DPP10: variants seen among roughly 807,000 people sequenced by gnomAD.
DPP10 encodes dipeptidyl peptidase like 10.
In DPP10, 33 loss-of-function variants were observed where a neutral mutation model predicts 120.9. The ratio of observed to expected loss-of-function variants is 0.27; its 90% CI spans 0.21 to 0.37. DPP10 has a LOEUF of 0.37. Ranked by LOEUF, DPP10 falls within the 10% of genes least tolerant of loss-of-function variation. The pLI is 1.00. For missense variants in DPP10, 816 were observed against 942.8 expected (o/e 0.87, Z 1.76); for synonymous variants, 337 against 326.1 (o/e 1.03, Z -0.36).
intron 3 of DPP10, among the ~76,000 whole-genome samples, chr2:115,453,784 G>A (rs966250284): frequency 2.0e-5 from 3 of 151,212 alleles, no homozygotes; most frequent in South Asian, 2.1e-4. Flanking sequence ...AAATAATAAA[G>A]ATTAAGATGG....
intron 1 of DPP10, among the ~76,000 whole-genome samples, chr2:114,639,073 A>G (rs1407954734): frequency 6.6e-6 from 1 of 151,912 alleles, no homozygotes; most frequent in East Asian, 1.9e-4. Flanking sequence ...TATAGTGTAT[A>G]TTAGTCTGTT....
At chr2:115,046,010 CTGTGTGTGTGTGTGTG>C (rs10538369) in intron 1 of DPP10, among the ~76,000 whole-genome samples, 2 of 151,540 alleles carry the variant, frequency 1.3e-5, no homozygotes, top group Non-Finnish European at 3.0e-5. Flanking sequence ...GTGTGTGTGT[CTGTGTGTGTGTGTGTG>C]TGTGTGTGTG....
At chr2:115,192,158 G>A (rs2054928365) in intron 1 of DPP10, among the ~76,000 whole-genome samples, 1 of 152,112 alleles carries the variant, frequency 6.6e-6, no homozygotes, top group African/African-American at 2.4e-5. Context: ...CTGAAGCAAT[G>A]TTTTCTATTA....
chr2:115,503,517 C>T (rs993124982), intron 4 of DPP10, among the ~76,000 whole-genome samples: 1 of 152,086 alleles, frequency 6.6e-6, no homozygotes, highest in African/African-American at 2.4e-5. Context: ...GACAATTGTA[C>T]CTCATAAAAT....
intron 5 of DPP10, among the ~76,000 whole-genome samples, chr2:115,554,192 T>C (rs1485645717): frequency 6.6e-6 from 1 of 151,896 alleles, no homozygotes; most frequent in Non-Finnish European, 1.5e-5. Context: ...GCAGTTAAAA[T>C]TGGTCATAAT....
chr2:115,347,452 T>C (rs2063765350), intron 3 of DPP10, among the ~76,000 whole-genome samples: 1 of 152,136 alleles, frequency 6.6e-6, no homozygotes, highest in African/African-American at 2.4e-5. Flanking sequence ...TTAAATCTTA[T>C]GGTTTGCTTG....
At chr2:115,022,125 A>T (rs1703120509) in intron 1 of DPP10, among the ~76,000 whole-genome samples, 1 of 152,132 alleles carries the variant, frequency 6.6e-6, no homozygotes, top group Non-Finnish European at 1.5e-5. Context: ...GCCCATTTTA[A>T]CCACTTCTAT....
At chr2:114,766,534 C>T (rs1680717822) in intron 1 of DPP10, among the ~76,000 whole-genome samples, 1 of 152,056 alleles carries the variant, frequency 6.6e-6, no homozygotes, top group Non-Finnish European at 1.5e-5. Context: ...CCCAAATATC[C>T]TCCAGTGGGT....
chr2:115,287,984 G>A (rs112917423), intron 1 of DPP10, among the ~76,000 whole-genome samples: 3 of 152,020 alleles, frequency 2.0e-5, no homozygotes, highest in African/African-American at 7.2e-5. Flanking sequence ...AAAAATACAC[G>A]TGCAAGTGTC....
intron 3 of DPP10, among the ~76,000 whole-genome samples, chr2:115,462,439 T>G (rs2074043991): frequency 6.6e-6 from 1 of 152,136 alleles, no homozygotes; most frequent in African/African-American, 2.4e-5. Flanking sequence ...GTTTAATCTT[T>G]TACTAATTTC....
rs10549769 is a variant in DPP10 at position 115,836,099 on chromosome 2, A to ATGTG, written c.1951-43_1951-40dup. ...GTTATATATAAATTTGTGTGTGTGT[A>ATGTG]TGTGTGTGTGTGTGTGTGAGATATA... On this transcript the variant is annotated intron_variant, in intron 21 of 25. Coordinates refer to ENST00000410059, the MANE Select transcript of DPP10 (RefSeq NM_020868.6). The ATGTG allele has an allele frequency of 5.3e-3, 3,231 of 608,224 alleles. 90 individuals carry two copies. In the African/African-American group the frequency reaches 0.057, roughly 11 times the overall value. The allele number at this position is 608,224 out of a possible 1,614,324, so 37.7% of individuals were successfully genotyped here.
intron 1 of DPP10, among the ~76,000 whole-genome samples, chr2:114,680,889 G>A (rs1390843151): frequency 1.3e-5 from 2 of 151,952 alleles, no homozygotes; most frequent in African/African-American, 4.8e-5. Flanking sequence ...ATTTAGAAAA[G>A]AGATGATTTT....
intron 1 of DPP10, among the ~76,000 whole-genome samples, chr2:114,506,304 A>G (rs1452252543): frequency 6.6e-6 from 1 of 152,192 alleles, no homozygotes; most frequent in African/African-American, 2.4e-5. Flanking sequence ...GCTTGATGGC[A>G]TAGCTTTGGA....
chr2:115,672,346 A>G (rs2014059448), intron 5 of DPP10, among the ~76,000 whole-genome samples: 1 of 152,006 alleles, frequency 6.6e-6, no homozygotes, highest in Admixed American at 6.6e-5. Context: ...CTATGACCTA[A>G]TCAGGTCATT....
chr2:114,587,149 A>T (rs1245802476), intron 1 of DPP10, among the ~76,000 whole-genome samples: 1 of 151,938 alleles, frequency 6.6e-6, no homozygotes, highest in African/African-American at 2.4e-5. Context: ...TACAAAAAAA[A>T]AATTAGCCGG....
chr2:114,618,918 A>G (rs1693875098), intron 1 of DPP10, among the ~76,000 whole-genome samples: 1 of 152,042 alleles, frequency 6.6e-6, no homozygotes, highest in South Asian at 2.1e-4. Context: ...TGAAAGTCGT[A>G]ATTTCTACAT....
intron 1 of DPP10, among the ~76,000 whole-genome samples, chr2:114,627,133 G>C (rs1004690551): frequency 6.6e-6 from 1 of 152,054 alleles, no homozygotes; most frequent in African/African-American, 2.4e-5. Flanking sequence ...TTGATCATCT[G>C]GGTGCACAAT....
rs142814068 is a variant in DPP10 at position 115,255,714 on chromosome 2, T to C, written c.61-53525T>C. ...CAGGGGCAAAATGCTGCCAGTCTCTTTGCTTAAGTATAACAAGTGTCACCT... is the reference window on the plus strand; with the variant it reads ...CAGGGGCAAAATGCTGCCAGTCTCTCTGCTTAAGTATAACAAGTGTCACCT... On this transcript the variant is annotated intron_variant, in intron 1 of 25. Transcript: ENST00000410059. 5.3e-5 allele frequency among the ~76,000 whole-genome samples: 8 copies of C among 152,306 alleles called. No homozygotes were observed. The East Asian group carries it at 1.5e-3, about 29-fold the overall frequency.
At chr2:115,703,547 G>C (rs967159980) in intron 7 of DPP10, among the ~76,000 whole-genome samples, 1 of 152,000 alleles carries the variant, frequency 6.6e-6, no homozygotes, top group African/African-American at 2.4e-5. Flanking sequence ...TGTCGGGCAG[G>C]TTGGCAGTTG....
Sources: gnomAD v4.1 joint callset for allele counts (sites outside exome capture counted in the v4.1 genomes callset) on GRCh38, gnomAD v4.1.1 for gene constraint, MANE v1.5 for transcripts, NCBI Gene and HGNC (gene_info 2026-07-23, HGNC 2026-07-21) for gene names.